The following PRKAA2 variants were observed in gnomAD, a reference collection of about 807,000 sequenced individuals.
The protein encoded by PRKAA2 is protein kinase AMP-activated catalytic subunit alpha 2, also known as 5'-AMP-activated protein kinase catalytic subunit alpha-2.
Under a neutral mutation model 56.3 loss-of-function variants are expected in PRKAA2, and 40 were observed. The observed-to-expected ratio is 0.71, with a 90% confidence interval of 0.55 to 0.92. The LOEUF (loss-of-function observed/expected upper bound fraction) is 0.92. Among genes scored for constraint, PRKAA2 ranks in the 40% least tolerant of loss-of-function variants. PRKAA2 has a pLI of 0.00. For missense variants in PRKAA2, 542 were observed against 686.9 expected (o/e 0.79, Z 2.36); for synonymous variants, 214 against 234.2 (o/e 0.91, Z 0.79).
Position 56,707,623 on chromosome 1 carries a change from C to T in PRKAA2, c.1569C>T (p.Ser523=), listed in dbSNP as rs543322076. Reference sequence around the variant, plus strand: ...CTCTCACTGGCTCTTTGACCGGAAGCACATTGTCTTCAGTTTCACCTCGCC... The same window carrying T: ...CTCTCACTGGCTCTTTGACCGGAAGTACATTGTCTTCAGTTTCACCTCGCC... The part of the protein sequence containing the change: ...SGSLTGSLTG[S]TLSSVSPRLG... The change falls in exon 9 of 9, where the codon AGC becomes AGT. Residue 523 remains serine (S), a synonymous_variant. Transcript: ENST00000371244. 2 of 1,614,026 alleles carry T rather than the reference C, an allele frequency of 1.2e-6. No individual in the cohort carries two copies. Among genetic ancestry groups the T allele is most frequent in the African/African-American group, 2.7e-5 (2 of 74,998 alleles).
intron 1 of PRKAA2, among the ~76,000 whole-genome samples, chr1:56,647,263 T>C (rs1258990801): frequency 6.6e-6 from 1 of 152,242 alleles, no homozygotes; most frequent in Non-Finnish European, 1.5e-5. Flanking sequence ...TATTAAGGAC[T>C]ATTGTGTTAC....
chr1:56,662,109 T>C (rs966020992), intron 1 of PRKAA2, among the ~76,000 whole-genome samples: 1 of 152,172 alleles, frequency 6.6e-6, no homozygotes, highest in African/African-American at 2.4e-5. Context: ...TTTTCTCCCA[T>C]GTAGTAAAGA....
intron 7 of PRKAA2, among the ~76,000 whole-genome samples, chr1:56,705,436 ACT>A (rs569787232): frequency 7.2e-5 from 11 of 152,030 alleles, no homozygotes; most frequent in Admixed American, 5.2e-4. Context: ...ACAGGGTCTC[ACT>A]CTGTTGCCCA....
At chr1:56,706,639 T>C (rs776183634) in intron 8 of PRKAA2, among the ~76,000 whole-genome samples, 6 of 152,210 alleles carry the variant, frequency 3.9e-5, no homozygotes, top group African/African-American at 1.2e-4. Flanking sequence ...TAGGTCTCCA[T>C]TGGGATTTGG....
Position 56,691,490 on chromosome 1 carries a change from G to T in PRKAA2, c.330+3G>T. ...ACTACATCTGTAAGCATGGACGGGT[G>T]AGTAACATACTATCTGGTACACTAA... On this transcript the variant is annotated splice_donor_region_variant and intron_variant, in intron 3 of 8. Coordinates refer to ENST00000371244, the MANE Select transcript of PRKAA2 (RefSeq NM_006252.4). 1 of 1,591,122 alleles carries T rather than the reference G, an allele frequency of 6.3e-7. No homozygotes were observed. Among genetic ancestry groups the T allele is most frequent in the Non-Finnish European group, 8.6e-7 (1 of 1,160,036 alleles).
Position 56,697,012 on chromosome 1 carries a change from A to ATTTTTT in PRKAA2, c.788+863_788+868dup, listed in dbSNP as rs752842791. Among the ~76,000 whole-genome samples, 10 of 57,888 alleles carry ATTTTTT rather than the reference A, an allele frequency of 1.7e-4. 1 individual carries two copies. Among genetic ancestry groups the ATTTTTT allele is most frequent in the East Asian group, 5.8e-4 (1 of 1,724 alleles). 38.0% of individuals were successfully genotyped at this position (57,888 alleles called of 152,430 possible). A position where few individuals can be genotyped will look rare whatever the true frequency, so the allele number is the denominator to read the frequency against. ...CCTTTTCATCATTAGCCAGCAAAGA[A>ATTTTTT]TTTTTTTTTTTTTTTAAGGCAGGGT... On this transcript the variant is annotated intron_variant, in intron 6 of 8. Coordinates refer to ENST00000371244, the MANE Select transcript of PRKAA2 (RefSeq NM_006252.4).
chr1:56,688,103 G>T (rs565796737), intron 2 of PRKAA2, among the ~76,000 whole-genome samples: 1 of 152,090 alleles, frequency 6.6e-6, no homozygotes, highest in Non-Finnish European at 1.5e-5. Flanking sequence ...ACTTACTCAG[G>T]CCAGGCTTAG....
At chr1:56,693,734 A>G (rs755504189) in intron 4 of PRKAA2, 31 bp from the exon 5 acceptor site, 3 of 1,448,242 alleles carry the variant, frequency 2.1e-6, no homozygotes, top group African/African-American at 2.8e-5. Flanking sequence ...AAAAATATCT[A>G]GCACCAAGTA....
chr1:56,668,264 T>C (rs1360113937), intron 1 of PRKAA2, among the ~76,000 whole-genome samples: 2 of 55,448 alleles, frequency 3.6e-5, no homozygotes, highest in South Asian at 5.3e-4. Flanking sequence ...GGGACTGTTG[T>C]GGGGTGGGGG....
chr1:56,657,379 C>T (rs1643952891), intron 1 of PRKAA2, among the ~76,000 whole-genome samples: 1 of 152,108 alleles, frequency 6.6e-6, no homozygotes, highest in Non-Finnish European at 1.5e-5. Flanking sequence ...CAAAAATGTT[C>T]TTCAAAAATA....
At chr1:56,660,091 A>G (rs755518704) in intron 1 of PRKAA2, among the ~76,000 whole-genome samples, 1 of 152,104 alleles carries the variant, frequency 6.6e-6, no homozygotes, top group Admixed American at 6.6e-5. Flanking sequence ...TGTTTCTTCT[A>G]TTAGAAAATT....
In PRKAA2 at chr1:56,645,368, C is replaced by A; in HGVS notation, c.-20C>A. Reference sequence around the variant, plus strand: ...CTACGCGGAGCGGCAGGCGGTGGAGCGAGGCCGCGCGCGCCGAAGATGGCT... The same window carrying A: ...CTACGCGGAGCGGCAGGCGGTGGAGAGAGGCCGCGCGCGCCGAAGATGGCT... On this transcript the variant is annotated 5_prime_UTR_variant, in exon 1 of 9. Coordinates refer to ENST00000371244, the MANE Select transcript of PRKAA2 (RefSeq NM_006252.4). The A allele has an allele frequency of 2.1e-6, 3 of 1,453,892 alleles. No individual in the cohort carries two copies. Among genetic ancestry groups the A allele is most frequent in the Non-Finnish European group, 2.7e-6 (3 of 1,092,904 alleles). The allele number at this position is 1,453,892 out of a possible 1,614,324, so 90.1% of individuals were successfully genotyped here.
intron 2 of PRKAA2, among the ~76,000 whole-genome samples, chr1:56,681,184 G>A (rs1403200469): frequency 3.9e-5 from 6 of 152,228 alleles, no homozygotes; most frequent in Non-Finnish European, 5.9e-5. Flanking sequence ...CATATCCTTC[G>A]CCCACTTTTT....
chr1:56,657,175 A>G (rs897493341), intron 1 of PRKAA2, among the ~76,000 whole-genome samples: 2 of 152,104 alleles, frequency 1.3e-5, no homozygotes, highest in Non-Finnish European at 2.9e-5. Flanking sequence ...CAGAAATGGG[A>G]AAAAAATGTT....
intron 8 of PRKAA2, 73 bp downstream of exon 8, chr1:56,706,291 C>T: frequency 6.5e-7 from 1 of 1,542,958 alleles, no homozygotes; most frequent in African/African-American, 1.4e-5. Context: ...TTAAAATCAT[C>T]TCGAAGACAT....
rs1644380382 is a variant in PRKAA2, at chr1:56,713,164, T to C, written c.*5451T>C. On this transcript the variant is annotated 3_prime_UTR_variant, in exon 9 of 9. Coordinates refer to ENST00000371244, the MANE Select transcript of PRKAA2 (RefSeq NM_006252.4). ...CATTACTAGCCTTTCCACCTATAAT[T>C]ATGATGCATTTGATGCCACTGAACA... 6.6e-6 allele frequency: 1 copy of C among 152,144 alleles called. No homozygotes were observed. Among genetic ancestry groups the C allele is most frequent in the Non-Finnish European group, 1.5e-5 (1 of 68,032 alleles). 9.4% of individuals were successfully genotyped at this position (152,144 alleles called of 1,614,324 possible). A position where few individuals can be genotyped will look rare whatever the true frequency, so the allele number is the denominator to read the frequency against.
intron 8 of PRKAA2, 123 bp from the exon 9 acceptor site, chr1:56,707,352 A>T (rs1489107425): frequency 1.3e-6 from 1 of 748,072 alleles, no homozygotes; most frequent in Non-Finnish European, 2.2e-6. Flanking sequence ...GAAACATGAC[A>T]TTCATTATTA....
At position 56,683,766 on chromosome 1, in the gene PRKAA2, T is replaced by A. The variant is rs565274240; in HGVS notation, c.237-7628T>A. 3.3e-5 allele frequency among the ~76,000 whole-genome samples: 5 copies of A among 152,186 alleles called. No individual in the cohort carries two copies. In the East Asian group the frequency reaches 9.7e-4, roughly 29 times the overall value. ...GAGCAAATACAAAGGAAAGTAGAAATTCCTGCAGGTCAGAGATCAAGGGAG... is the reference window on the plus strand; with the variant it reads ...GAGCAAATACAAAGGAAAGTAGAAAATCCTGCAGGTCAGAGATCAAGGGAG... On this transcript the variant is annotated intron_variant, in intron 2 of 8. Coordinates refer to ENST00000371244, the MANE Select transcript of PRKAA2 (RefSeq NM_006252.4).
chr1:56,662,710 T>C (rs1644004576), intron 1 of PRKAA2, among the ~76,000 whole-genome samples: 1 of 152,230 alleles, frequency 6.6e-6, no homozygotes, highest in African/African-American at 2.4e-5. Context: ...AGTGCAGTCT[T>C]TTTTACATGA....
Sources: gnomAD v4.1 joint callset for allele counts (sites outside exome capture counted in the v4.1 genomes callset) on GRCh38, gnomAD v4.1.1 for gene constraint, MANE v1.5 for transcripts, NCBI Gene and HGNC (gene_info 2026-07-23, HGNC 2026-07-21) for gene names.